Variants in CTNNA3 observed in about 807,000 individuals in gnomAD.
The protein encoded by CTNNA3 is catenin alpha-3.
Under a neutral mutation model 95.7 loss-of-function variants are expected in CTNNA3, and 76 were observed. The observed-to-expected ratio is 0.79, with a 90% CI of 0.66 to 0.96. The LOEUF is 0.96. CTNNA3 is among the 40% of genes least tolerant of loss of function. The pLI is 0.00. For missense variants in CTNNA3, 1,191 were observed against 1,089.8 expected, an observed-to-expected ratio of 1.09 and a Z score of -1.31; for synonymous variants, 431 against 374.4, an observed-to-expected ratio of 1.15 and a Z score of -1.74.
At chr10:66,253,681 T>A (rs1390235053) in intron 13 of CTNNA3, among the ~76,000 whole-genome samples, 3 of 152,140 alleles carry the variant, frequency 2.0e-5, no homozygotes, top group Non-Finnish European at 2.9e-5. Context: ...TCAAGATATG[T>A]CTTTGTGGTG....
chr10:67,098,585 G>A (rs569572462), intron 7 of CTNNA3: 71 of 152,356 alleles, frequency 4.7e-4, no homozygotes, highest in African/African-American at 1.6e-3. Flanking sequence ...ATTTCCGAAT[G>A]AATGACTCAT....
intron 17 of CTNNA3, among the ~76,000 whole-genome samples, chr10:65,944,692 A>G (rs968048554): frequency 2.0e-5 from 3 of 152,222 alleles, no homozygotes; most frequent in African/African-American, 7.2e-5. Flanking sequence ...AGGGATATAG[A>G]CAAGGAACTA....
At chr10:67,030,580 T>C (rs1853653870) in intron 7 of CTNNA3, among the ~76,000 whole-genome samples, 1 of 151,872 alleles carries the variant, frequency 6.6e-6, no homozygotes, top group South Asian at 2.1e-4. Context: ...TATATTTTTA[T>C]GAAGATAAAT....
At chr10:67,604,840 G>A (rs1231994909) in intron 3 of CTNNA3, among the ~76,000 whole-genome samples, 1 of 152,174 alleles carries the variant, frequency 6.6e-6, no homozygotes, top group Non-Finnish European at 1.5e-5. Flanking sequence ...AGTTGGTAGG[G>A]AGCAGGGAAA....
chr10:66,876,647 T>C (rs867406487), intron 7 of CTNNA3, among the ~76,000 whole-genome samples: 1 of 152,050 alleles, frequency 6.6e-6, no homozygotes, highest in Admixed American at 6.6e-5. Flanking sequence ...ATTAGAATTT[T>C]TTTTTAAATT....
At chr10:66,086,890 G>C (rs547229210) in intron 14 of CTNNA3, among the ~76,000 whole-genome samples, 1 of 152,064 alleles carries the variant, frequency 6.6e-6, no homozygotes, top group East Asian at 1.9e-4. Flanking sequence ...AAGAGTTCTT[G>C]GTAGAATTTT....
Position 66,328,929 on chromosome 10 carries a change from T to C in CTNNA3, c.1733-48308A>G, listed in dbSNP as rs547147323. 4.8e-4 allele frequency among the ~76,000 whole-genome samples: 63 copies of C among 130,282 alleles called. 1 individual carries two copies. In the South Asian group the frequency reaches 0.016, roughly 34 times the overall value. 85.5% of individuals were successfully genotyped at this position (130,282 alleles called of 152,430 possible). A position where few individuals can be genotyped will look rare whatever the true frequency, so the allele number is the denominator to read the frequency against. On this transcript the variant is annotated intron_variant, in intron 12 of 17. Coordinates refer to ENST00000433211, the MANE Select transcript of CTNNA3 (RefSeq NM_013266.4). ...ATATATACATATATATATATATATA[T>C]ATATACACACACACATATAAATATA...
chr10:67,693,104 T>C (rs1225837986), intron 1 of CTNNA3, among the ~76,000 whole-genome samples: 1 of 152,232 alleles, frequency 6.6e-6, no homozygotes, highest in Non-Finnish European at 1.5e-5. Flanking sequence ...ACCTATCATA[T>C]GCTAGAAGCT....
intron 10 of CTNNA3, among the ~76,000 whole-genome samples, chr10:66,553,517 C>CTT (rs753973882): frequency 0.052 from 2,733 of 52,224 alleles, 1,003 homozygotes; most frequent in East Asian, 0.21. Flanking sequence ...CAATACTTTT[C>CTT]TTTTTTTTTT....
chr10:67,177,671 G>C lies in CTNNA3; in HGVS notation c.1047+2646C>G, dbSNP rs545025867. Among the ~76,000 whole-genome samples the C allele has an allele frequency of 3.3e-5, 5 of 152,230 alleles. No homozygotes were observed. In the South Asian group the frequency reaches 1.0e-3, roughly 32 times the overall value. Reference sequence around the variant, plus strand: ...CAAGGTTTGAGTTCAGCTAGTTCCAGAAAAATGCATTCCCTTTCATTAAAA... The same window carrying C: ...CAAGGTTTGAGTTCAGCTAGTTCCACAAAAATGCATTCCCTTTCATTAAAA... On this transcript the variant is annotated intron_variant, in intron 7 of 17. Coordinates refer to ENST00000433211, the MANE Select transcript of CTNNA3 (RefSeq NM_013266.4).
intron 7 of CTNNA3, 91 bp downstream of exon 7, chr10:67,180,226 T>A (rs185852964): frequency 7.5e-6 from 8 of 1,060,656 alleles, no homozygotes; most frequent in Non-Finnish European, 1.1e-5. Context: ...ATTTGTAATT[T>A]ACCCTATTTT....
At chr10:67,655,839 G>A (rs1002558268) in intron 1 of CTNNA3, among the ~76,000 whole-genome samples, 26 of 150,848 alleles carry the variant, frequency 1.7e-4, no homozygotes, top group Admixed American at 2.6e-4. Context: ...TATAAGCCTC[G>A]CTCTCCCCCA....
intron 13 of CTNNA3, among the ~76,000 whole-genome samples, chr10:66,167,023 G>A (rs1435997538): frequency 1.3e-5 from 2 of 152,086 alleles, no homozygotes; most frequent in African/African-American, 4.8e-5. Flanking sequence ...GTAAGGCAGA[G>A]CAATTTAGAC....
chr10:67,190,001 A>G (rs963429475), intron 6 of CTNNA3, among the ~76,000 whole-genome samples: 4 of 152,204 alleles, frequency 2.6e-5, no homozygotes, highest in Non-Finnish European at 4.4e-5. Context: ...CTTATATTAA[A>G]TCATTTAATG....
intron 1 of CTNNA3, among the ~76,000 whole-genome samples, chr10:67,716,027 A>C (rs961205860): frequency 3.9e-5 from 6 of 152,180 alleles, no homozygotes; most frequent in African/African-American, 1.4e-4. Context: ...GACCTTTACT[A>C]TAAGGTACTC....
Position 67,730,740 on chromosome 10 carries a change from A to C in CTNNA3, c.-2+32694T>G, listed in dbSNP as rs562104882. 8.5e-5 allele frequency among the ~76,000 whole-genome samples: 13 copies of C among 152,146 alleles called. No individual in the cohort carries two copies. The South Asian group carries it at 1.0e-3, about 12-fold the overall frequency. ...GAAGAAAAACTTAACAGATAATCTGATATTTAAATATAATGAGAGATTTAT... is the reference window on the plus strand; with the variant it reads ...GAAGAAAAACTTAACAGATAATCTGCTATTTAAATATAATGAGAGATTTAT... On this transcript the variant is annotated intron_variant, in intron 1 of 17. Coordinates refer to the CTNNA3 transcript ENST00000684154.
chr10:66,672,048 A>G (rs1846679324), intron 9 of CTNNA3, among the ~76,000 whole-genome samples: 1 of 152,154 alleles, frequency 6.6e-6, no homozygotes, highest in Non-Finnish European at 1.5e-5. Flanking sequence ...AGAGGCAAAC[A>G]GCCTTGGCCT....
intron 1 of CTNNA3, among the ~76,000 whole-genome samples, chr10:67,734,332 A>G (rs1371918598): frequency 6.6e-6 from 1 of 152,188 alleles, no homozygotes; most frequent in African/African-American, 2.4e-5. Context: ...TCTGGAGTTC[A>G]GAGTTGAAGA....
intron 9 of CTNNA3, among the ~76,000 whole-genome samples, chr10:66,710,683 T>A (rs1564632917): frequency 6.6e-6 from 1 of 151,948 alleles, no homozygotes; most frequent in Admixed American, 6.6e-5. Flanking sequence ...CTTTAATAAT[T>A]TTTTTCCTAA....
Sources: allele counts gnomAD v4.1 joint callset (sites outside exome capture counted in the v4.1 genomes callset), GRCh38; gene constraint gnomAD v4.1.1; transcripts MANE v1.5; gene names NCBI Gene and HGNC (gene_info 2026-07-23, HGNC 2026-07-21).